Variants in ELN observed in about 807,000 individuals in gnomAD.
ELN encodes the protein tropoelastin.
A neutral mutation model predicts 105.8 loss-of-function variants in ELN; 65 were observed. That is an observed-to-expected ratio of 0.61 (90% CI 0.50 to 0.75). The LOEUF is 0.75. ELN is among the 30% of genes least tolerant of loss of function. ELN has a pLI of 0.00. For missense variants in ELN, 882 were observed against 969.4 expected, an observed-to-expected ratio of 0.91 and a Z score of 1.20; for synonymous variants, 368 against 389.2, an observed-to-expected ratio of 0.95 and a Z score of 0.64.
chr7:74,067,482 G>C (rs1157537193), intron 32 of ELN, among the ~76,000 whole-genome samples: 5 of 151,650 alleles, frequency 3.3e-5, no homozygotes, highest in African/African-American at 1.2e-4. Flanking sequence ...TGGCCAGGCT[G>C]GTCTCGAACT....
At position 74,042,669 on chromosome 7, in the gene ELN, G is replaced by A; in HGVS notation, c.288G>A (p.Val96=). 1 of 1,613,446 alleles carries A rather than the reference G, an allele frequency of 6.2e-7. No homozygotes were observed. Among genetic ancestry groups the A allele is most frequent in the Non-Finnish European group, 8.5e-7 (1 of 1,179,974 alleles). ...CGGGGGCTCTGGTGCCTGGTGGAGT[G>A]GCTGACGCTGCTGCAGCCTATAAAG... is the stretch of plus-strand genomic sequence containing the variant. ...TFPGALVPGG[V]ADAAAAYKAA... The change falls in exon 6 of 33, where the codon GTG becomes GTA. Residue 96 remains valine (V), a synonymous_variant. Coordinates refer to ENST00000252034, the MANE Select transcript of ELN (RefSeq NM_000501.4).
Position 74,047,723 on chromosome 7 carries a change from G to A in ELN, c.685+7G>A, listed in dbSNP as rs781984503. ...ACAGGGAAACTGCCCTATGGTGAGT[G>A]AGACCCTTCTAGACTGTGGGCTTCC... On this transcript the variant is annotated splice_region_variant and intron_variant, in intron 13 of 32. Transcript: ENST00000252034. The A allele has an allele frequency of 3.1e-6, 5 of 1,614,160 alleles. No homozygotes were observed. In the Admixed American group the frequency reaches 8.3e-5, roughly 27 times the overall value.
At position 74,048,576 on chromosome 7, in the gene ELN, C is replaced by T; in HGVS notation, c.799+20C>T. 1.2e-6 allele frequency: 2 copies of T among 1,613,522 alleles called. No homozygotes were observed. Among genetic ancestry groups the T allele is most frequent in the Non-Finnish European group, 1.7e-6 (2 of 1,179,722 alleles). On this transcript the variant is annotated intron_variant, in intron 15 of 32. Coordinates refer to ENST00000252034, the MANE Select transcript of ELN (RefSeq NM_000501.4). ...AGTTCGGTGAGTGCCCCTGGAGTCC[C>T]CACCTGGTGGCCTCCAGGCCCCTAG...
rs144722742 is a variant in ELN at position 74,044,894 on chromosome 7, G to A, written c.470-328G>A. 7.9e-4 allele frequency among the ~76,000 whole-genome samples: 120 copies of A among 152,330 alleles called. 2 individuals carry two copies. Among genetic ancestry groups the A allele is most frequent in the African/African-American group, 2.7e-3 (113 of 41,576 alleles). ...CCCTGGTCTACGGGCGAGTGGCACC[G>A]CGCAGCAGCTGTCCCTCTCTTTACC... is the stretch of plus-strand genomic sequence containing the variant. On this transcript the variant is annotated intron_variant, in intron 9 of 32. Transcript: ENST00000252034.
intron 1 of ELN, among the ~76,000 whole-genome samples, chr7:74,030,054 G>A (rs1324826065): frequency 6.6e-6 from 1 of 152,212 alleles, no homozygotes. Context: ...CAGTGACACC[G>A]CTAAACGCCC....
chr7:74,047,646 C>T (rs782379778), intron 12 of ELN, 29 bp from the exon 13 acceptor site: 18 of 1,613,984 alleles, frequency 1.1e-5, no homozygotes, highest in Middle Eastern at 1.6e-4. Flanking sequence ...CATGGGGCAG[C>T]CCCTGAGTTT....
At chr7:74,056,482 GCTT>G in intron 20 of ELN, 47 bp downstream of exon 20, 1 of 1,611,612 alleles carries the variant, frequency 6.2e-7, no homozygotes, top group Non-Finnish European at 8.5e-7. Context: ...AGGGATGGGG[GCTT>G]CTTGTCTGCT....
At chr7:74,046,413 A>C (rs782107449) in intron 11 of ELN, among the ~76,000 whole-genome samples, 196 bp downstream of exon 11, 2 of 152,226 alleles carry the variant, frequency 1.3e-5, no homozygotes, top group African/African-American at 4.8e-5. Context: ...GCAGCCCAAA[A>C]TTCAAAGGAG....
chr7:74,064,113 AAAAG>A (rs1204466192), intron 29 of ELN, among the ~76,000 whole-genome samples: 5 of 150,542 alleles, frequency 3.3e-5, no homozygotes, highest in African/African-American at 4.9e-5. Flanking sequence ...CTAAAAAAAA[AAAAG>A]AAAGAAAGAA....
intron 18 of ELN, among the ~76,000 whole-genome samples, chr7:74,054,105 G>C (rs1359049771): frequency 1.3e-5 from 2 of 152,032 alleles, no homozygotes; most frequent in Admixed American, 1.3e-4. Flanking sequence ...AGGCAGATGG[G>C]ATAAGTTGGC....
intron 10 of ELN, 162 bp downstream of exon 10, chr7:74,045,455 G>A (rs1792245722): frequency 1.3e-6 from 1 of 776,282 alleles, no homozygotes. Context: ...ACCTCAGAGT[G>A]TGGCTGGGCA....
chr7:74,063,704 T>C lies in ELN; in HGVS notation c.1993+9T>C. The C allele has an allele frequency of 1.9e-6, 3 of 1,614,048 alleles. No homozygotes were observed. In the South Asian group the frequency reaches 3.3e-5, roughly 18 times the overall value. ...TGTTGGGGGCCTTGGAGGTGAGAGT[T>C]GTTCTGAAATCAGTGAGTGTGTGTG... is the stretch of plus-strand genomic sequence containing the variant. On this transcript the variant is annotated intron_variant, in intron 29 of 32. Transcript: ENST00000252034. This position sits in a 1 kb window ranked among gnomAD's most constrained non-coding sequence, Gnocchi z 4.1.
intron 25 of ELN, 63 bp from the exon 26 acceptor site, chr7:74,061,038 C>A: frequency 6.3e-7 from 1 of 1,599,354 alleles, no homozygotes; most frequent in South Asian, 1.1e-5. Context: ...CTAGAGGAGG[C>A]GGCAGAACTC....
At chr7:74,047,763 C>T (rs1236063764) in intron 13 of ELN, 47 bp downstream of exon 13, 2 of 1,613,136 alleles carry the variant, frequency 1.2e-6, no homozygotes, top group Non-Finnish European at 1.7e-6. Context: ...CTTTCCCTCT[C>T]CAGGGTCCTA....
intron 1 of ELN, among the ~76,000 whole-genome samples, chr7:74,032,345 G>A (rs1053932317): frequency 6.6e-6 from 1 of 152,214 alleles, no homozygotes; most frequent in Non-Finnish European, 1.5e-5. Context: ...CCCTGGTGCG[G>A]GGGTAGGACT....
chr7:74,062,015 C>T (rs1441820408), intron 26 of ELN, among the ~76,000 whole-genome samples: 2 of 152,228 alleles, frequency 1.3e-5, no homozygotes, highest in African/African-American at 2.4e-5. Flanking sequence ...ACCGCTCCCA[C>T]CACGAGCCAG....
chr7:74,054,323 A>G (rs1234244572), intron 18 of ELN, among the ~76,000 whole-genome samples: 5 of 152,176 alleles, frequency 3.3e-5, no homozygotes, highest in Admixed American at 6.5e-5. Context: ...GAAAAAAATT[A>G]GCCAGGCATG....
rs569660857 is a variant in ELN, at chr7:74,028,208, G to A, written c.21G>A (p.Ala7=). The A allele has an allele frequency of 1.5e-5, 24 of 1,610,602 alleles. No individual in the cohort carries two copies. Among genetic ancestry groups the A allele is most frequent in the South Asian group, 6.6e-5 (6 of 90,896 alleles). Residue 7 remains alanine, a synonymous_variant, in exon 1 of 33, where the codon GCG becomes GCA. Coordinates refer to ENST00000252034, the MANE Select transcript of ELN (RefSeq NM_000501.4). MAGLTA[A]APRPGVLLLL... is the part of the protein sequence containing the mutation. ...CCGAGATGGCGGGTCTGACGGCGGCGGCCCCGCGGCCCGGAGTCCTCCTGC... is the reference window on the plus strand; with the variant it reads ...CCGAGATGGCGGGTCTGACGGCGGCAGCCCCGCGGCCCGGAGTCCTCCTGC...
At chr7:74,068,634 G>A in intron 32 of ELN, 23 bp from the exon 33 acceptor site, 2 of 1,614,152 alleles carry the variant, frequency 1.2e-6, no homozygotes, top group African/African-American at 1.3e-5. Flanking sequence ...GACTCACAGT[G>A]ATGTGCACCT....
Sources: gnomAD v4.1 joint callset for allele counts (sites outside exome capture counted in the v4.1 genomes callset) on GRCh38, gnomAD v4.1.1 for gene constraint, Gnocchi (gnomAD v3.1) non-coding constraint, MANE v1.5 for transcripts, NCBI Gene and HGNC (gene_info 2026-07-23, HGNC 2026-07-21) for gene names.